PRORP: variants seen among roughly 807,000 people sequenced by gnomAD.
The protein encoded by PRORP is protein only RNase P catalytic subunit, also known as mitochondrial ribonuclease P catalytic subunit.
In PRORP, 51 loss-of-function variants were observed where a neutral mutation model predicts 59.4. The observed-to-expected ratio is 0.86, with a 90% confidence interval of 0.69 to 1.08. The LOEUF (loss-of-function observed/expected upper bound fraction) is 1.08. Among genes scored for constraint, PRORP ranks in the 50% least tolerant of loss-of-function variants. PRORP has a pLI of 0.00. For synonymous variants in PRORP, 231 were observed against 245.6 expected (o/e 0.94, Z 0.55); for missense variants, 646 against 690.3 (o/e 0.94, Z 0.72).
At chr14:35,191,968 C>A (rs2048893929) in intron 5 of PRORP, among the ~76,000 whole-genome samples, 1 of 151,946 alleles carries the variant, frequency 6.6e-6, no homozygotes, top group Admixed American at 6.5e-5. Flanking sequence ...ATAGTCTAGT[C>A]ACTTCTTTCC....
chr14:35,187,680 T>G (rs1409843444), intron 5 of PRORP, among the ~76,000 whole-genome samples: 1 of 152,078 alleles, frequency 6.6e-6, no homozygotes, highest in Non-Finnish European at 1.5e-5. Context: ...TCTGCCTGCC[T>G]TGGCCTTCCA....
At chr14:35,172,582 G>A (rs958786144) in intron 4 of PRORP, among the ~76,000 whole-genome samples, 12 of 136,738 alleles carry the variant, frequency 8.8e-5, no homozygotes, top group African/African-American at 2.7e-4. Context: ...TGAGAGTCTC[G>A]TTCTGTCACC....
intron 4 of PRORP, among the ~76,000 whole-genome samples, chr14:35,148,445 A>G (rs2047663607): frequency 6.6e-6 from 1 of 152,182 alleles, no homozygotes; most frequent in East Asian, 1.9e-4. Flanking sequence ...AGGTCTCCAC[A>G]GTGGGCTTGA....
intron 5 of PRORP, among the ~76,000 whole-genome samples, chr14:35,240,671 C>T (rs999629479): frequency 5.3e-5 from 8 of 152,134 alleles, no homozygotes; most frequent in South Asian, 2.1e-4. Context: ...TTAATATCTT[C>T]ACCTATTGAG....
intron 4 of PRORP, among the ~76,000 whole-genome samples, chr14:35,136,046 G>A (rs1298025719): frequency 6.6e-6 from 1 of 152,082 alleles, no homozygotes; most frequent in East Asian, 1.9e-4. Context: ...AAAAGGAGTT[G>A]AAAAGGATAA....
intron 5 of PRORP, among the ~76,000 whole-genome samples, chr14:35,249,717 G>A (rs1331631294): frequency 6.6e-6 from 1 of 152,068 alleles, no homozygotes; most frequent in Non-Finnish European, 1.5e-5. Flanking sequence ...ATATCAGAAC[G>A]CTATGTGGGT....
chr14:35,190,827 T>C (rs969600350), intron 5 of PRORP, among the ~76,000 whole-genome samples: 1 of 152,220 alleles, frequency 6.6e-6, no homozygotes, highest in Non-Finnish European at 1.5e-5. Flanking sequence ...GTATTAGTTA[T>C]GGACCCTTAC....
At chr14:35,138,126 T>C (rs2047412443) in intron 4 of PRORP, among the ~76,000 whole-genome samples, 1 of 145,884 alleles carries the variant, frequency 6.9e-6, no homozygotes. Context: ...GGCTACCTTC[T>C]TGTGGTATCT....
At chr14:35,156,830 G>A (rs17456067) in intron 4 of PRORP, among the ~76,000 whole-genome samples, 1 of 152,058 alleles carries the variant, frequency 6.6e-6, no homozygotes, top group Non-Finnish European at 1.5e-5. Context: ...GAACTTATTC[G>A]CAGAGTAGAT....
intron 7 of PRORP, 76 bp downstream of exon 7, chr14:35,270,672 C>A: frequency 2.3e-6 from 3 of 1,317,898 alleles, no homozygotes; most frequent in South Asian, 1.3e-5. Flanking sequence ...AAAAGAGTGT[C>A]ACAACTAATT....
intron 4 of PRORP, among the ~76,000 whole-genome samples, chr14:35,132,887 C>T (rs1566446275): frequency 6.6e-6 from 1 of 150,456 alleles, no homozygotes. Context: ...TCATTCAATG[C>T]TTTGAGTTAG....
At chr14:35,243,156 A>G (rs183199797) in intron 5 of PRORP, among the ~76,000 whole-genome samples, 2 of 152,316 alleles carry the variant, frequency 1.3e-5, no homozygotes, top group African/African-American at 4.8e-5. Context: ...TTCCAACAAA[A>G]GTACCTAAGG....
chr14:35,217,552 G>T (rs1476069378), intron 5 of PRORP, among the ~76,000 whole-genome samples: 1 of 150,412 alleles, frequency 6.6e-6, no homozygotes, highest in Non-Finnish European at 1.5e-5. Flanking sequence ...AAGTAACAAT[G>T]ATTTACATCT....
chr14:35,217,699 A>C (rs1316223891), intron 5 of PRORP, among the ~76,000 whole-genome samples: 1 of 151,788 alleles, frequency 6.6e-6, no homozygotes, highest in Non-Finnish European at 1.5e-5. Context: ...TGAAAAGACT[A>C]TTTTTCTCCT....
intron 4 of PRORP, among the ~76,000 whole-genome samples, chr14:35,143,626 A>G (rs1200842347): frequency 6.9e-6 from 1 of 145,174 alleles, no homozygotes; most frequent in Non-Finnish European, 1.5e-5. Context: ...TAAAAGACAG[A>G]TAGTTTTTGT....
At chr14:35,187,178 G>T (rs910209978) in intron 5 of PRORP, among the ~76,000 whole-genome samples, 5 of 152,248 alleles carry the variant, frequency 3.3e-5, no homozygotes, top group Middle Eastern at 3.4e-3. Flanking sequence ...ATATACCTAG[G>T]AGTAGAATTG....
chr14:35,241,799 T>C (rs773154527), intron 5 of PRORP, among the ~76,000 whole-genome samples: 6 of 152,202 alleles, frequency 3.9e-5, no homozygotes, highest in Non-Finnish European at 8.8e-5. Context: ...TCTCTCAACA[T>C]ACCGTAACAT....
rs112047327 is a variant in PRORP, at chr14:35,143,195, C to T, written c.1167+15584C>T. On this transcript the variant is annotated intron_variant, in intron 4 of 7. Coordinates refer to ENST00000534898, the MANE Select transcript of PRORP (RefSeq NM_014672.4). ...AGCGAGACAGTCTCTCTCTGTTGCT[C>T]AGGCTGGAGTGCAGTGGCGCAATCG... Among the ~76,000 whole-genome samples the T allele has an allele frequency of 3.1e-4, 45 of 145,908 alleles. 10 individuals carry two copies. In the South Asian group the frequency reaches 7.2e-3, roughly 23 times the overall value.
At chr14:35,272,107 C>T (rs1046883526) in intron 7 of PRORP, among the ~76,000 whole-genome samples, 10 of 151,246 alleles carry the variant, frequency 6.6e-5, no homozygotes, top group Non-Finnish European at 8.8e-5. Context: ...AAGAGGAATA[C>T]GTTCCATGAT....
Sources: allele counts gnomAD v4.1 joint callset (sites outside exome capture counted in the v4.1 genomes callset), GRCh38; gene constraint gnomAD v4.1.1; transcripts MANE v1.5; gene names NCBI Gene and HGNC (gene_info 2026-07-23, HGNC 2026-07-21).